Variants in ASTN2 observed in about 807,000 individuals in gnomAD.
The protein encoded by ASTN2 is astrotactin-2.
Under a neutral mutation model 139.8 loss-of-function variants are expected in ASTN2, and 54 were observed. That is an observed-to-expected ratio of 0.39 (90% CI 0.31 to 0.48). The LOEUF (loss-of-function observed/expected upper bound fraction) is 0.48, where lower values mean the gene tolerates loss of function less well. Among genes scored for constraint, ASTN2 ranks in the 20% least tolerant of loss-of-function variants. The probability of loss-of-function intolerance (pLI) is 0.95; values close to 1 mark genes in which losing one functional copy is unlikely to be tolerated. For missense variants in ASTN2, 1,565 were observed against 1,725.1 expected, an observed-to-expected ratio of 0.91 and a Z score of 1.64; for synonymous variants, 756 against 719.5, an observed-to-expected ratio of 1.05 and a Z score of -0.81.
chr9:117,271,003 A>C (rs755136108), intron 2 of ASTN2, among the ~76,000 whole-genome samples: 2 of 152,202 alleles, frequency 1.3e-5, no homozygotes, highest in African/African-American at 2.4e-5. Flanking sequence ...ATGGACACTC[A>C]CGGCATTTTA....
chr9:116,695,917 T>C (rs1860824869), intron 16 of ASTN2, among the ~76,000 whole-genome samples: 1 of 152,180 alleles, frequency 6.6e-6, no homozygotes, highest in Non-Finnish European at 1.5e-5. Flanking sequence ...TCATCTAGGC[T>C]TGAGTCTTTG....
At chr9:116,489,348 T>C (rs372851611) in intron 19 of ASTN2, among the ~76,000 whole-genome samples, 31 of 152,086 alleles carry the variant, frequency 2.0e-4, no homozygotes, top group African/African-American at 7.5e-4. Flanking sequence ...TTAATTTTAA[T>C]TTTTTTGAGA....
Position 116,546,904 on chromosome 9 carries a change from T to A in ASTN2, c.3356-59404A>T, listed in dbSNP as rs765984065. Reference sequence around the variant, plus strand: ...CAGGCGTTGAACTCTTGTCACTGACTCCAAAGCCCTCTTTGTACTTTACCC... The same window carrying A: ...CAGGCGTTGAACTCTTGTCACTGACACCAAAGCCCTCTTTGTACTTTACCC... On this transcript the variant is annotated intron_variant, in intron 19 of 22. Transcript: ENST00000313400. Among the ~76,000 whole-genome samples, 88 of 152,308 alleles carry A rather than the reference T, an allele frequency of 5.8e-4. 1 individual carries two copies. The highest frequency in any genetic ancestry group is 5.6e-4 in the Non-Finnish European group (38 of 68,032).
intron 19 of ASTN2, among the ~76,000 whole-genome samples, chr9:116,493,748 G>C (rs1849590309): frequency 6.6e-6 from 1 of 152,124 alleles, no homozygotes; most frequent in Non-Finnish European, 1.5e-5. Context: ...AACAGGTTGG[G>C]AGAAAAGCAG....
Position 117,257,994 on chromosome 9 carries a change from C to A in ASTN2, c.630+33332G>T, listed in dbSNP as rs368219334. Among the ~76,000 whole-genome samples the A allele has an allele frequency of 6.6e-5, 10 of 152,234 alleles. No homozygotes were observed. The East Asian group carries it at 1.7e-3, about 26-fold the overall frequency. On this transcript the variant is annotated intron_variant, in intron 2 of 22. Coordinates refer to ENST00000313400, the MANE Select transcript of ASTN2 (RefSeq NM_001365068.1). ...TTTTGTTGTTGTTTTATTCCTGGGT[C>A]CCCTTGTCACTGCTCAAGATGCCAG...
chr9:117,329,939 T>C (rs1212365051), intron 1 of ASTN2, among the ~76,000 whole-genome samples: 1 of 152,160 alleles, frequency 6.6e-6, no homozygotes, highest in Non-Finnish European at 1.5e-5. Context: ...CCCCATGAAA[T>C]GGGAACTGTT....
intron 5 of ASTN2, among the ~76,000 whole-genome samples, chr9:117,075,488 GA>G (rs1564414530): frequency 1.3e-5 from 2 of 151,416 alleles, no homozygotes; most frequent in African/African-American, 2.4e-5. Context: ...TGGGCAGATG[GA>G]GGGGAAGGGG....
intron 19 of ASTN2, chr9:116,584,784 A>G (rs1391476372): frequency 6.6e-6 from 1 of 152,236 alleles, no homozygotes; most frequent in African/African-American, 2.4e-5. Flanking sequence ...ATGATCATAC[A>G]TATAGAACAC....
Position 116,779,858 on chromosome 9 carries a change from C to T in ASTN2, c.2396+25774G>A, listed in dbSNP as rs542090957. Among the ~76,000 whole-genome samples the T allele has an allele frequency of 2.4e-3, 358 of 152,284 alleles. 2 individuals carry two copies. Among genetic ancestry groups the T allele is most frequent in the African/African-American group, 7.8e-3 (323 of 41,552 alleles). ...TTCATTTTTTAAATTCCCCCCTGGT[C>T]TCAGCCTTTCCTTCAACTATTTCAC... On this transcript the variant is annotated intron_variant, in intron 13 of 22. Coordinates refer to ENST00000313400, the MANE Select transcript of ASTN2 (RefSeq NM_001365068.1).
At chr9:117,004,307 A>G (rs577547533) in intron 7 of ASTN2, among the ~76,000 whole-genome samples, 1 of 152,106 alleles carries the variant, frequency 6.6e-6, no homozygotes, top group African/African-American at 2.4e-5. Context: ...TTTTTGTAGA[A>G]ACAAGATTTC....
intron 11 of ASTN2, among the ~76,000 whole-genome samples, chr9:116,833,582 G>T (rs556880861): frequency 6.6e-6 from 1 of 152,010 alleles, no homozygotes; most frequent in Non-Finnish European, 1.5e-5. Flanking sequence ...GATGAATCAT[G>T]ACTTCAGCTG....
At chr9:116,600,898 T>G (rs1304253378) in intron 19 of ASTN2, among the ~76,000 whole-genome samples, 2 of 152,058 alleles carry the variant, frequency 1.3e-5, no homozygotes, top group East Asian at 3.9e-4. Context: ...CTGTTCACAC[T>G]TCAGGTATTT....
chr9:116,554,909 T>C (rs969655599), intron 19 of ASTN2, among the ~76,000 whole-genome samples: 3 of 152,164 alleles, frequency 2.0e-5, no homozygotes, highest in Admixed American at 2.0e-4. Flanking sequence ...GTGAAGGTGA[T>C]GCTCAGATGA....
At position 116,944,845 on chromosome 9, in the gene ASTN2, G is replaced by T. The variant is rs569079808; in HGVS notation, c.1889+30363C>A. The stretch of plus-strand genomic sequence containing the variant: ...TGTTATGAGGAACTGGATTACATCA[G>T]ATTGAGGTACTGTATCAGTTAGGAT... On this transcript the variant is annotated intron_variant, in intron 10 of 22. Transcript: ENST00000313400. Among the ~76,000 whole-genome samples, 70 of 152,244 alleles carry T rather than the reference G, an allele frequency of 4.6e-4. 1 individual carries two copies. The highest frequency in any genetic ancestry group is 2.9e-3 in the South Asian group (14 of 4,816).
intron 4 of ASTN2, among the ~76,000 whole-genome samples, chr9:117,140,178 C>T (rs1245492928): frequency 6.6e-6 from 1 of 152,130 alleles, no homozygotes; most frequent in Non-Finnish European, 1.5e-5. Flanking sequence ...CCTTAGGGGC[C>T]AGAGAGGTGG....
At chr9:116,858,512 TTTTC>T (rs1176857573) in intron 11 of ASTN2, among the ~76,000 whole-genome samples, 2 of 152,176 alleles carry the variant, frequency 1.3e-5, no homozygotes, top group African/African-American at 4.8e-5. Flanking sequence ...GTGCTTACAG[TTTTC>T]TTTGTTTTTA....
At chr9:117,373,311 A>G (rs1223520892) in intron 1 of ASTN2, among the ~76,000 whole-genome samples, 2 of 152,160 alleles carry the variant, frequency 1.3e-5, no homozygotes, top group Non-Finnish European at 2.9e-5. Context: ...ACTGGCTGCT[A>G]AGATGCTTTT....
At chr9:116,543,954 G>A (rs1285226004) in intron 19 of ASTN2, 1 of 152,204 alleles carries the variant, frequency 6.6e-6, no homozygotes, top group Non-Finnish European at 1.5e-5. Flanking sequence ...ATGTGACCGG[G>A]AGTAGATGAC....
chr9:116,850,723 TG>T (rs1191632290), intron 11 of ASTN2, among the ~76,000 whole-genome samples: 2 of 152,170 alleles, frequency 1.3e-5, no homozygotes, highest in Admixed American at 1.3e-4. Flanking sequence ...GAACTCAAGA[TG>T]TAACATTTTA....
Sources: gnomAD v4.1 joint callset for allele counts (sites outside exome capture counted in the v4.1 genomes callset) on GRCh38, gnomAD v4.1.1 for gene constraint, MANE v1.5 for transcripts, NCBI Gene and HGNC (gene_info 2026-07-23, HGNC 2026-07-21) for gene names.